The following REEP3 variants were observed in gnomAD, a reference collection of about 807,000 sequenced individuals.
REEP3 encodes receptor expression-enhancing protein 3.
A neutral mutation model predicts 41.3 loss-of-function variants in REEP3; 20 were observed. The observed-to-expected ratio is 0.48, with a 90% confidence interval of 0.34 to 0.70. REEP3 has a LOEUF of 0.70. REEP3 is among the 30% of genes least tolerant of loss of function. The pLI is 0.01. For synonymous variants in REEP3, 104 were observed against 101.8 expected (o/e 1.02, Z -0.13); for missense variants, 271 against 308.8 (o/e 0.88, Z 0.92).
chr10:63,557,447 A>G (rs1201165251), intron 1 of REEP3, among the ~76,000 whole-genome samples: 1 of 152,208 alleles, frequency 6.6e-6, no homozygotes, highest in African/African-American at 2.4e-5. Flanking sequence ...AACTGTTTCC[A>G]TGCTTATCTT....
At chr10:63,565,754 C>T (rs1434898487) in intron 1 of REEP3, among the ~76,000 whole-genome samples, 1 of 151,994 alleles carries the variant, frequency 6.6e-6, no homozygotes, top group African/African-American at 2.4e-5. Flanking sequence ...TGGTGATTTC[C>T]TACATTTTCT....
At chr10:63,523,510 A>G (rs991178826) in intron 1 of REEP3, among the ~76,000 whole-genome samples, 2 of 152,126 alleles carry the variant, frequency 1.3e-5, no homozygotes, top group African/African-American at 4.8e-5. Flanking sequence ...AGTAGCTCAC[A>G]CCTGTAATCC....
intron 1 of REEP3, among the ~76,000 whole-genome samples, chr10:63,548,257 C>A (rs1955596956): frequency 6.6e-6 from 1 of 152,150 alleles, no homozygotes; most frequent in African/African-American, 2.4e-5. Context: ...TAATGCTGTA[C>A]CACATTTCCA....
At chr10:63,524,813 T>G (rs933646647) in intron 1 of REEP3, among the ~76,000 whole-genome samples, 7 of 152,108 alleles carry the variant, frequency 4.6e-5, no homozygotes, top group Admixed American at 1.3e-4. Flanking sequence ...TCAGTCTTCT[T>G]GCCTTTAAGT....
intron 1 of REEP3, among the ~76,000 whole-genome samples, chr10:63,554,259 G>A (rs1341871794): frequency 6.6e-6 from 1 of 152,142 alleles, no homozygotes; most frequent in Non-Finnish European, 1.5e-5. Flanking sequence ...ATCAGGAATT[G>A]GTCAGATCAT....
chr10:63,533,853 G>A (rs1269872397), intron 1 of REEP3, among the ~76,000 whole-genome samples: 3 of 151,456 alleles, frequency 2.0e-5, no homozygotes, highest in Non-Finnish European at 4.4e-5. Flanking sequence ...GGTTACAGGC[G>A]CCCACCACCA....
intron 3 of REEP3, among the ~76,000 whole-genome samples, chr10:63,595,778 A>G (rs10733794): frequency 0.66 from 100,001 of 152,040 alleles, 33,678 homozygotes; most frequent in East Asian, 0.97. Context: ...GGGTTTCACC[A>G]TGTTAGCCAG....
intron 1 of REEP3, chr10:63,562,860 C>A (rs1310063606): frequency 4.4e-6 from 2 of 450,866 alleles, no homozygotes; most frequent in Non-Finnish European, 8.9e-6. Flanking sequence ...ATTCTGTCTC[C>A]CCAAACTTCA....
intron 1 of REEP3, among the ~76,000 whole-genome samples, chr10:63,565,919 C>G (rs1388025448): frequency 6.2e-5 from 9 of 144,130 alleles, no homozygotes; most frequent in Non-Finnish European, 9.0e-5. Context: ...GAGTCTTGCT[C>G]TGTCACCCAG....
chr10:63,576,056 G>A (rs1955896227), intron 2 of REEP3, among the ~76,000 whole-genome samples: 1 of 152,124 alleles, frequency 6.6e-6, no homozygotes, highest in Non-Finnish European at 1.5e-5. Flanking sequence ...TTTCTACATA[G>A]TCTTTCGTTT....
chr10:63,527,542 G>A (rs1409902713), intron 1 of REEP3, among the ~76,000 whole-genome samples: 1 of 151,922 alleles, frequency 6.6e-6, no homozygotes, highest in Non-Finnish European at 1.5e-5. Context: ...TTAGCTGGGC[G>A]TGGTGGTACA....
At chr10:63,560,854 AC>A (rs767540466) in intron 1 of REEP3, among the ~76,000 whole-genome samples, 153 of 152,236 alleles carry the variant, frequency 1.0e-3, no homozygotes, top group Non-Finnish European at 6.2e-4. Flanking sequence ...TCTACAGTAG[AC>A]CCCAGTGTTA....
intron 1 of REEP3, among the ~76,000 whole-genome samples, chr10:63,523,713 G>A (rs374381396): frequency 4.6e-5 from 7 of 152,328 alleles, no homozygotes; most frequent in African/African-American, 9.6e-5. Flanking sequence ...TATAGGGACC[G>A]GCGTGAGCCA....
chr10:63,607,767 C>A (rs543173489), intron 5 of REEP3, among the ~76,000 whole-genome samples: 143 of 152,268 alleles, frequency 9.4e-4, no homozygotes, highest in African/African-American at 3.3e-3. Context: ...GCAAAATATA[C>A]CTATCCCAAC....
chr10:63,568,650 A>ATTTTTTTTTT (rs10622553), intron 2 of REEP3, among the ~76,000 whole-genome samples: 1 of 109,168 alleles, frequency 9.2e-6, no homozygotes, highest in Admixed American at 1.0e-4. Context: ...ACAACCCAGA[A>ATTTTTTTTTT]TTTTTTTTTT....
intron 1 of REEP3, among the ~76,000 whole-genome samples, chr10:63,540,929 T>G (rs1955522269): frequency 6.6e-6 from 1 of 152,130 alleles, no homozygotes; most frequent in Non-Finnish European, 1.5e-5. Context: ...AAGATCCCAT[T>G]TCTATGTAGT....
rs1199558197 is a variant in REEP3 at position 63,624,154 on chromosome 10, A to G, written c.*3285A>G. On this transcript the variant is annotated 3_prime_UTR_variant, in exon 8 of 8. Coordinates refer to ENST00000373758, the MANE Select transcript of REEP3 (RefSeq NM_001001330.3). ...GAAAATTAAGGAGTTATATATTTAAAAGCAATTTTCTGTGTTTTCTTCTTT... is the reference window on the plus strand; with the variant it reads ...GAAAATTAAGGAGTTATATATTTAAGAGCAATTTTCTGTGTTTTCTTCTTT... The G allele has an allele frequency of 2.0e-5, 3 of 152,132 alleles. No individual in the cohort carries two copies. Among genetic ancestry groups the G allele is most frequent in the African/African-American group, 4.8e-5 (2 of 41,448 alleles). The allele number at this position is 152,132 out of a possible 1,614,324, so 9.4% of individuals were successfully genotyped here.
chr10:63,618,696 C>A (rs946910868), intron 6 of REEP3, among the ~76,000 whole-genome samples: 1 of 152,222 alleles, frequency 6.6e-6, no homozygotes, highest in Non-Finnish European at 1.5e-5. Context: ...ACAAGCATTA[C>A]CTGGGAACTT....
chr10:63,533,803 G>A (rs981877783), intron 1 of REEP3, among the ~76,000 whole-genome samples: 4 of 147,654 alleles, frequency 2.7e-5, no homozygotes, highest in South Asian at 4.4e-4. Flanking sequence ...CGCCTCCCGG[G>A]TTCAAGCAAT....
Sources: allele counts gnomAD v4.1 joint callset (sites outside exome capture counted in the v4.1 genomes callset), GRCh38; gene constraint gnomAD v4.1.1; transcripts MANE v1.5; gene names NCBI Gene and HGNC (gene_info 2026-07-23, HGNC 2026-07-21).